PPARGC1A: variants seen among roughly 807,000 people sequenced by gnomAD.
PPARGC1A encodes the protein PPARG coactivator 1 alpha.
A neutral mutation model predicts 88.7 loss-of-function variants in PPARGC1A; 25 were observed. The ratio of observed to expected loss-of-function variants is 0.28; its 90% CI spans 0.21 to 0.39. The LOEUF (loss-of-function observed/expected upper bound fraction) is 0.39, where lower values mean the gene tolerates loss of function less well. Ranked by LOEUF, PPARGC1A falls within the 10% of genes least tolerant of loss-of-function variation. The probability of loss-of-function intolerance (pLI) is 1.00; values close to 1 mark genes in which losing one functional copy is unlikely to be tolerated. For missense variants in PPARGC1A, 880 were observed against 968.7 expected (o/e 0.91, Z 1.22); for synonymous variants, 363 against 355.6 (o/e 1.02, Z -0.24).
the PPARGC1A span, among the ~76,000 whole-genome samples, chr4:24,452,382 C>T: frequency 1.8e-4 from 28 of 152,212 alleles, no homozygotes; most frequent in Non-Finnish European, 4.0e-4. Flanking sequence ...TCAGCTGCTT[C>T]CTTTAGTTAA....
chr4:23,946,313 G>C, the PPARGC1A span, among the ~76,000 whole-genome samples: 2 of 152,118 alleles, frequency 1.3e-5, no homozygotes, highest in Non-Finnish European at 2.9e-5. Context: ...ATTAAAGCAG[G>C]TTCTATTTTC....
the PPARGC1A span, among the ~76,000 whole-genome samples, chr4:24,151,533 C>A: frequency 1.3e-5 from 2 of 152,182 alleles, no homozygotes; most frequent in African/African-American, 4.8e-5. Context: ...TTGAAGGGAA[C>A]ACATTCAGTC....
At chr4:23,841,674 A>G (rs977402206) in intron 2 of PPARGC1A, among the ~76,000 whole-genome samples, 1 of 152,086 alleles carries the variant, frequency 6.6e-6, no homozygotes, top group African/African-American at 2.4e-5. Context: ...CATTTCTATG[A>G]AGCAGGATTT....
At chr4:24,357,366 T>C in the PPARGC1A span, among the ~76,000 whole-genome samples, 4 of 152,234 alleles carry the variant, frequency 2.6e-5, no homozygotes, top group Non-Finnish European at 4.4e-5. Context: ...AAGTCCATAC[T>C]CTTACTCCCC....
chr4:23,838,849 G>GAA (rs764435330), intron 2 of PPARGC1A, among the ~76,000 whole-genome samples: 1 of 152,014 alleles, frequency 6.6e-6, no homozygotes, highest in Non-Finnish European at 1.5e-5. Context: ...AGAATCTAAT[G>GAA]CACATATATA....
chr4:24,010,964 G>T, the PPARGC1A span, among the ~76,000 whole-genome samples: 1 of 152,146 alleles, frequency 6.6e-6, no homozygotes, highest in South Asian at 2.1e-4. Flanking sequence ...TCAGGGAAAT[G>T]CTTGGGACCA....
the PPARGC1A span, among the ~76,000 whole-genome samples, chr4:24,070,892 G>A: frequency 6.6e-6 from 1 of 152,300 alleles, no homozygotes; most frequent in East Asian, 1.9e-4. Flanking sequence ...ATCAGTAGCT[G>A]CTTTTGTGCT....
At position 23,831,574 on chromosome 4, in the gene PPARGC1A, C is replaced by T. The variant is rs769377888; in HGVS notation, c.412G>A (p.Ala138Thr). The change falls in exon 3 of 13, where the codon GCA becomes ACA. Residue 138 changes from alanine to threonine, a missense_variant. By Grantham distance (58) the Ala-to-Thr change is moderately conservative. Coordinates refer to ENST00000264867, the MANE Select transcript of PPARGC1A (RefSeq NM_013261.5). The stretch of plus-strand genomic sequence containing the variant: ...GTTCTTACTAGAGACGGCTCTTCTG[C>T]CTCCTGGGGTGGAGGGGTGCCGTCA... ...MPDGTPPPQE[A>T]EEPSLLKKLL... 5.0e-6 allele frequency: 8 copies of T among 1,613,944 alleles called. No individual in the cohort carries two copies. Among genetic ancestry groups the T allele is most frequent in the Middle Eastern group, 1.7e-4 (1 of 6,032 alleles).
At chr4:23,827,492 G>T (rs935695674) in intron 5 of PPARGC1A, among the ~76,000 whole-genome samples, 5 of 152,048 alleles carry the variant, frequency 3.3e-5, no homozygotes, top group African/African-American at 1.2e-4. Flanking sequence ...TCCACCACAA[G>T]GTTAAAGTAG....
At chr4:24,296,052 G>A in the PPARGC1A span, among the ~76,000 whole-genome samples, 158 of 150,640 alleles carry the variant, frequency 1.0e-3, no homozygotes, top group Non-Finnish European at 1.7e-3. Context: ...ATGTGTGTAT[G>A]TGTATATATG....
chr4:24,370,043 T>G, the PPARGC1A span, among the ~76,000 whole-genome samples: 1 of 152,196 alleles, frequency 6.6e-6, no homozygotes, highest in Non-Finnish European at 1.5e-5. Flanking sequence ...CTTCTAAGAC[T>G]TAAGACTCTT....
chr4:24,404,728 C>T, the PPARGC1A span, among the ~76,000 whole-genome samples: 9 of 152,094 alleles, frequency 5.9e-5, no homozygotes, highest in East Asian at 3.9e-4. Context: ...AATACAGGCT[C>T]GATGTTGCCA....
At chr4:24,318,687 CCTTT>C in the PPARGC1A span, among the ~76,000 whole-genome samples, 1 of 152,190 alleles carries the variant, frequency 6.6e-6, no homozygotes, top group Non-Finnish European at 1.5e-5. Context: ...AGCCTTATGT[CCTTT>C]CTTTGTCTCT....
the PPARGC1A span, among the ~76,000 whole-genome samples, chr4:23,945,618 G>A: frequency 2.0e-5 from 3 of 152,150 alleles, no homozygotes; most frequent in Non-Finnish European, 2.9e-5. Flanking sequence ...TTGAGTAAGC[G>A]GGGAGGGTGA....
At chr4:24,422,276 A>G in the PPARGC1A span, among the ~76,000 whole-genome samples, 1 of 152,220 alleles carries the variant, frequency 6.6e-6, no homozygotes, top group African/African-American at 2.4e-5. Flanking sequence ...GCCCTTTACA[A>G]AAGAAAAGTT....
At chr4:24,458,414 T>C in the PPARGC1A span, among the ~76,000 whole-genome samples, 1 of 152,180 alleles carries the variant, frequency 6.6e-6, no homozygotes, top group Non-Finnish European at 1.5e-5. Context: ...GGTGGGAGGA[T>C]GGCTTTAGCC....
chr4:24,247,294 C>T, the PPARGC1A span, among the ~76,000 whole-genome samples: 4 of 152,104 alleles, frequency 2.6e-5, no homozygotes, highest in Non-Finnish European at 4.4e-5. Flanking sequence ...ATCATCTATG[C>T]TAAGGCAAGA....
At chr4:24,460,180 A>C in the PPARGC1A span, among the ~76,000 whole-genome samples, 4 of 152,250 alleles carry the variant, frequency 2.6e-5, no homozygotes, top group Admixed American at 6.5e-5. Flanking sequence ...GTAAGGTGCC[A>C]CAGTACAAAT....
chr4:24,135,930 A>C, the PPARGC1A span, among the ~76,000 whole-genome samples: 16 of 152,078 alleles, frequency 1.1e-4, no homozygotes, highest in Non-Finnish European at 5.9e-5. Context: ...TCTCAAACTT[A>C]CCTGGCCCTG....
Sources: gnomAD v4.1 joint callset for allele counts (sites outside exome capture counted in the v4.1 genomes callset) on GRCh38, gnomAD v4.1.1 for gene constraint, MANE v1.5 for transcripts, NCBI Gene and HGNC (gene_info 2026-07-23, HGNC 2026-07-21) for gene names.